Variants in GRIA3 observed in about 807,000 individuals in gnomAD.
GRIA3 encodes glutamate ionotropic receptor AMPA type subunit 3, also known as glutamate receptor 3.
Under a neutral mutation model 63.0 loss-of-function variants are expected in GRIA3, and 3 were observed. The observed-to-expected ratio is 0.05, with a 90% CI of 0.02 to 0.12. GRIA3 has a LOEUF of 0.12. Ranked by LOEUF, GRIA3 falls within the 10% of genes least tolerant of loss-of-function variation. The pLI is 1.00. For missense variants in GRIA3, 347 were observed against 700.9 expected (o/e 0.50, Z 5.70); for synonymous variants, 274 against 257.9 (o/e 1.06, Z -0.60).
intron 14 of GRIA3, among the ~76,000 whole-genome samples, chrX:123,481,844 C>A (rs1272146794): frequency 8.9e-6 from 1 of 111,973 alleles, no homozygotes; most frequent in East Asian, 2.8e-4. Flanking sequence ...GTCAGATTTG[C>A]ACAGTTTGAC....
In GRIA3 at chrX:123,245,637, T is replaced by G. The variant is rs764433475; in HGVS notation, c.269-7666T>G. 2.7e-5 allele frequency among the ~76,000 whole-genome samples: 3 copies of G among 111,099 alleles called. No individual in the cohort carries two copies. In the South Asian group the frequency reaches 1.2e-3, roughly 43 times the overall value. The stretch of plus-strand genomic sequence containing the variant: ...GAGAGGAGAGTTTCAAGGGCTAAGA[T>G]TTAGCCAACAATATCAAATGCGGCT... On this transcript the variant is annotated intron_variant, in intron 2 of 15. Coordinates refer to ENST00000620443, the MANE Select transcript of GRIA3 (RefSeq NM_007325.5).
rs1174148979 is a variant in GRIA3, at chrX:123,463,716, GAA to G, written c.2077-1147_2077-1146del. On this transcript the variant is annotated intron_variant, in intron 12 of 15. Coordinates refer to ENST00000620443, the MANE Select transcript of GRIA3 (RefSeq NM_007325.5). ...AAAGAAAGAAAAAGAAAGAAAGAAA[GAA>G]AGAAAGAGAAAGAAGAGAGAGAAAG... is the stretch of plus-strand genomic sequence containing the variant. 1.4e-3 allele frequency among the ~76,000 whole-genome samples: 128 copies of G among 92,972 alleles called. 2 individuals are homozygous for G. Among genetic ancestry groups the G allele is most frequent in the South Asian group, 2.5e-3 (5 of 2,022 alleles). The allele number at this position is 92,972 out of a possible 115,157, so 80.7% of individuals were successfully genotyped here.
chrX:123,257,941 G>T (rs2044429126), intron 3 of GRIA3, among the ~76,000 whole-genome samples: 1 of 112,190 alleles, frequency 8.9e-6, no homozygotes, highest in East Asian at 2.8e-4. Context: ...CTGATTTGGG[G>T]TTTGCAGTTT....
At chrX:123,310,952 G>A (rs980557368) in intron 3 of GRIA3, among the ~76,000 whole-genome samples, 10 of 107,696 alleles carry the variant, frequency 9.3e-5, no homozygotes, top group Non-Finnish European at 1.9e-4. Flanking sequence ...GCAGTGAGCC[G>A]AGATCATGCC....
At position 123,407,693 on chromosome X, in the gene GRIA3, G is replaced by GC. The variant is rs1427852546; in HGVS notation, c.1500+2779_1500+2780insC. 1.1e-4 allele frequency among the ~76,000 whole-genome samples: 10 copies of GC among 87,395 alleles called. No individual in the cohort carries two copies. In the South Asian group the frequency reaches 6.6e-3, roughly 58 times the overall value. The allele number at this position is 87,395 out of a possible 115,157, so 75.9% of individuals were successfully genotyped here. The stretch of plus-strand genomic sequence containing the variant: ...GATTTCAACATATGACTTGGTTGCG[G>GC]GGGGGGGGGGGACGTGGGGACACAA... On this transcript the variant is annotated intron_variant, in intron 10 of 15. Transcript: ENST00000620443.
chrX:123,279,247 G>A (rs766555495), intron 3 of GRIA3, among the ~76,000 whole-genome samples: 1 of 110,943 alleles, frequency 9.0e-6, no homozygotes, highest in South Asian at 3.8e-4. Flanking sequence ...GGAAGAAGTT[G>A]GTCAAAGGAT....
intron 4 of GRIA3, among the ~76,000 whole-genome samples, chrX:123,337,940 AAC>A (rs765823122): frequency 1.5e-4 from 17 of 112,012 alleles, no homozygotes; most frequent in Non-Finnish European, 3.0e-4. Context: ...AGGGGAAAAA[AAC>A]ACCTTATTTT....
rs1312027611 is a variant in GRIA3, at chrX:123,290,787, T to A, written c.509-35239T>A. Among the ~76,000 whole-genome samples the A allele has an allele frequency of 3.6e-5, 4 of 111,689 alleles. No homozygotes were observed. The Admixed American group carries it at 3.8e-4, about 11-fold the overall frequency. ...ATGCAAATATTACTGAGAATTTGAA[T>A]AAAATCTGTGAAAGTAATAAAAAGT... On this transcript the variant is annotated intron_variant, in intron 3 of 15. Coordinates refer to ENST00000620443, the MANE Select transcript of GRIA3 (RefSeq NM_007325.5).
chrX:123,393,540 G>A (rs1454776951), intron 5 of GRIA3, among the ~76,000 whole-genome samples: 1 of 112,028 alleles, frequency 8.9e-6, no homozygotes, highest in Non-Finnish European at 1.9e-5. Flanking sequence ...AAAAAATGAA[G>A]AAAGAAAAAG....
chrX:123,324,215 C>T (rs1401725730), intron 3 of GRIA3, among the ~76,000 whole-genome samples: 1 of 112,044 alleles, frequency 8.9e-6, no homozygotes, highest in African/African-American at 3.2e-5. Context: ...GTAGAGATTA[C>T]GAGAAGGCTT....
At chrX:123,333,827 C>T (rs1307070316) in intron 4 of GRIA3, among the ~76,000 whole-genome samples, 2 of 110,999 alleles carry the variant, frequency 1.8e-5, no homozygotes, top group African/African-American at 6.6e-5. Flanking sequence ...GGCCAAACAA[C>T]CCACTGGCCT....
rs1023339202 is a variant in GRIA3 at position 123,488,874 on chromosome X, C to T, written c.*164C>T. The T allele has an allele frequency of 1.8e-5, 2 of 109,454 alleles. No individual in the cohort carries two copies. Among genetic ancestry groups the T allele is most frequent in the Non-Finnish European group, 3.8e-5 (2 of 52,579 alleles). The allele number at this position is 109,454 out of a possible 1,213,427, so 9.0% of individuals were successfully genotyped here. On this transcript the variant is annotated 3_prime_UTR_variant, in exon 16 of 16. Coordinates refer to ENST00000620443, the MANE Select transcript of GRIA3 (RefSeq NM_007325.5). ...AGGAAAAACTGATTTTTTTTTCCTTCAGTGCCTTATGGAACACTCTGAGAC... is the reference window on the plus strand; with the variant it reads ...AGGAAAAACTGATTTTTTTTTCCTTTAGTGCCTTATGGAACACTCTGAGAC...
intron 10 of GRIA3, among the ~76,000 whole-genome samples, chrX:123,410,726 T>G (rs1046771472): frequency 9.0e-6 from 1 of 111,276 alleles, no homozygotes; most frequent in Admixed American, 9.5e-5. Context: ...AAGTCCCCCC[T>G]CCTTCAAATG....
At chrX:123,439,025 T>C (rs944930695) in intron 12 of GRIA3, among the ~76,000 whole-genome samples, 1 of 111,903 alleles carries the variant, frequency 8.9e-6, no homozygotes, top group East Asian at 2.8e-4. Flanking sequence ...GGAGGAGGTA[T>C]ATGTATGTAT....
intron 5 of GRIA3, among the ~76,000 whole-genome samples, chrX:123,383,270 T>G (rs750337796): frequency 8.9e-6 from 1 of 112,025 alleles, no homozygotes; most frequent in Non-Finnish European, 1.9e-5. Context: ...ATTTATCATT[T>G]CTGTGTGTTC....
intron 3 of GRIA3, among the ~76,000 whole-genome samples, chrX:123,312,300 G>A (rs1309322451): frequency 8.9e-6 from 1 of 112,123 alleles, no homozygotes; most frequent in Non-Finnish European, 1.9e-5. Context: ...AAGATTCTCA[G>A]GCTAATAGAA....
chrX:123,352,626 G>A (rs542180357), intron 4 of GRIA3, among the ~76,000 whole-genome samples: 4 of 111,833 alleles, frequency 3.6e-5, no homozygotes, highest in African/African-American at 9.7e-5. Flanking sequence ...TGAAAAAGAC[G>A]TATTCCTTTT....
intron 3 of GRIA3, among the ~76,000 whole-genome samples, chrX:123,286,847 T>C (rs1484320586): frequency 8.1e-5 from 9 of 111,777 alleles, no homozygotes; most frequent in Non-Finnish European, 1.7e-4. Context: ...AAAGAGGAGC[T>C]GGTACCATTC....
intron 4 of GRIA3, among the ~76,000 whole-genome samples, chrX:123,327,334 T>C (rs896344852): frequency 9.0e-6 from 1 of 111,492 alleles, no homozygotes; most frequent in African/African-American, 3.3e-5. Context: ...AGCTGAAATG[T>C]GAAGAAAGTT....
Sources: gnomAD v4.1 joint callset for allele counts (sites outside exome capture counted in the v4.1 genomes callset) on GRCh38, gnomAD v4.1.1 for gene constraint, MANE v1.5 for transcripts, NCBI Gene and HGNC (gene_info 2026-07-23, HGNC 2026-07-21) for gene names.